The following ZBTB40 variants were observed in gnomAD, a reference collection of about 807,000 sequenced individuals.
ZBTB40 encodes zinc finger and BTB domain-containing protein 40.
A neutral mutation model predicts 117.5 loss-of-function variants in ZBTB40; 60 were observed. That is an observed-to-expected ratio of 0.51 (90% confidence interval 0.41 to 0.63). The LOEUF (loss-of-function observed/expected upper bound fraction) is 0.63, where lower values mean the gene tolerates loss of function less well. Among genes scored for constraint, ZBTB40 ranks in the 30% least tolerant of loss-of-function variants. The pLI is 0.00. For missense variants in ZBTB40, 1,287 were observed against 1,498.5 expected (o/e 0.86, Z 2.33); for synonymous variants, 525 against 577.1 (o/e 0.91, Z 1.29).
intron 1 of ZBTB40, among the ~76,000 whole-genome samples, chr1:22,488,701 C>A (rs1362618339): frequency 6.6e-6 from 1 of 152,206 alleles, no homozygotes; most frequent in African/African-American, 2.4e-5. Context: ...GACTTTTACT[C>A]TAAGACTGGA....
At chr1:22,470,765 G>A (rs985385573) in intron 1 of ZBTB40, among the ~76,000 whole-genome samples, 6 of 152,228 alleles carry the variant, frequency 3.9e-5, no homozygotes, top group Admixed American at 2.0e-4. Context: ...ATCACAGAAT[G>A]TCAGTTGGCA....
Position 22,512,144 on chromosome 1 carries a change from A to G in ZBTB40, c.2461+10A>G, listed in dbSNP as rs2124459739. 1 of 1,612,562 alleles carries G rather than the reference A, an allele frequency of 6.2e-7. No homozygotes were observed. Among genetic ancestry groups the G allele is most frequent in the Non-Finnish European group, 8.5e-7 (1 of 1,179,966 alleles). ...TTTGCCCATGCCTCAGGTACGTTCA[A>G]GAAGGCAAAGGAACAGAGGATGATA... On this transcript the variant is annotated intron_variant, in intron 11 of 17. Coordinates refer to ENST00000375647, the MANE Select transcript of ZBTB40 (RefSeq NM_014870.4).
chr1:22,528,988 T>G lies in ZBTB40; in HGVS notation c.*2592T>G, dbSNP rs2124482423. 2.6e-5 allele frequency: 4 copies of G among 152,456 alleles called. 1 individual carries two copies. In the South Asian group the frequency reaches 8.3e-4, roughly 32 times the overall value. 9.4% of individuals were successfully genotyped at this position (152,456 alleles called of 1,614,324 possible). A position where few individuals can be genotyped will look rare whatever the true frequency, so the allele number is the denominator to read the frequency against. On this transcript the variant is annotated 3_prime_UTR_variant, in exon 18 of 18. Transcript: ENST00000375647. Reference sequence around the variant, plus strand: ...CACTCAGCAGAAGGCACAAACCCAGTGCTGGTTCTCATCAAGAAAGAGGGG... The same window carrying G: ...CACTCAGCAGAAGGCACAAACCCAGGGCTGGTTCTCATCAAGAAAGAGGGG...
chr1:22,466,061 C>T (rs1288556174), intron 1 of ZBTB40, among the ~76,000 whole-genome samples: 1 of 152,240 alleles, frequency 6.6e-6, no homozygotes, highest in Non-Finnish European at 1.5e-5. Flanking sequence ...CTGGTAACCA[C>T]TAATCCACTT....
At chr1:22,489,551 G>A (rs1046299791) in intron 1 of ZBTB40, among the ~76,000 whole-genome samples, 1 of 152,140 alleles carries the variant, frequency 6.6e-6, no homozygotes, top group East Asian at 1.9e-4. Context: ...TGAGATGGCT[G>A]TTTTTCCTTA....
In ZBTB40 at chr1:22,508,154, A is replaced by C; in HGVS notation, c.1497+17A>C. The C allele has an allele frequency of 6.2e-7, 1 of 1,613,122 alleles. No homozygotes were observed. Among genetic ancestry groups the C allele is most frequent in the Non-Finnish European group, 8.5e-7 (1 of 1,179,846 alleles). On this transcript the variant is annotated intron_variant, in intron 7 of 17. Transcript: ENST00000375647. The stretch of plus-strand genomic sequence containing the variant: ...GAAAGAGAGGTAAGAGAGGGAGAGA[A>C]ACAGAGGGAGGGGAGGGTAAAATGA...
intron 3 of ZBTB40, among the ~76,000 whole-genome samples, chr1:22,497,663 A>G (rs1638815584): frequency 1.3e-5 from 2 of 152,246 alleles, no homozygotes; most frequent in African/African-American, 4.8e-5. Context: ...ACTACCCAGT[A>G]TTCAAACCGG....
intron 15 of ZBTB40, 52 bp downstream of exon 15, chr1:22,521,710 C>G (rs1490411026): frequency 6.2e-7 from 1 of 1,611,360 alleles, no homozygotes; most frequent in Non-Finnish European, 8.5e-7. Flanking sequence ...ATGGTGTAGC[C>G]TCCTGGGCCC....
At chr1:22,470,781 C>T (rs965188239) in intron 1 of ZBTB40, among the ~76,000 whole-genome samples, 6 of 152,212 alleles carry the variant, frequency 3.9e-5, no homozygotes, top group Admixed American at 1.3e-4. Context: ...TGGCAGTGCC[C>T]GTGCCGTGTA....
upstream of ZBTB40, among the ~76,000 whole-genome samples, chr1:22,450,053 C>T (rs1478610995): frequency 6.6e-6 from 1 of 152,076 alleles, no homozygotes; most frequent in Non-Finnish European, 1.5e-5. Context: ...AAGCGATTCT[C>T]CTGCCTCAGC....
chr1:22,460,709 A>G (rs1053835537), intron 1 of ZBTB40, among the ~76,000 whole-genome samples: 5 of 152,252 alleles, frequency 3.3e-5, no homozygotes, highest in Admixed American at 6.5e-5. Context: ...CGTCAGATTT[A>G]GAACCCAACT....
intron 3 of ZBTB40, 145 bp from the exon 4 acceptor site, chr1:22,501,347 T>C (rs1344411708): frequency 3.4e-5 from 29 of 840,700 alleles, no homozygotes; most frequent in Non-Finnish European, 4.5e-5. Context: ...TTGGAACTGC[T>C]GCTGGGGAAG....
intron 15 of ZBTB40, among the ~76,000 whole-genome samples, chr1:22,522,138 G>A (rs1231832488): frequency 6.6e-6 from 1 of 152,186 alleles, no homozygotes; most frequent in Non-Finnish European, 1.5e-5. Flanking sequence ...AGCACCTCGT[G>A]TATATTTTCT....
intron 3 of ZBTB40, among the ~76,000 whole-genome samples, chr1:22,497,289 T>C (rs1047216877): frequency 3.9e-5 from 6 of 152,190 alleles, no homozygotes; most frequent in Non-Finnish European, 8.8e-5. Flanking sequence ...CCTTCAACTT[T>C]ATTTCAAAGG....
At chr1:22,467,026 A>G (rs1206939849) in intron 1 of ZBTB40, among the ~76,000 whole-genome samples, 1 of 152,074 alleles carries the variant, frequency 6.6e-6, no homozygotes, top group Non-Finnish European at 1.5e-5. Context: ...TGCCATATTT[A>G]CTTTAAAACC....
intron 1 of ZBTB40, among the ~76,000 whole-genome samples, chr1:22,458,338 C>T (rs761841887): frequency 2.0e-5 from 3 of 152,186 alleles, no homozygotes; most frequent in Non-Finnish European, 4.4e-5. Context: ...TGTGGCTGTG[C>T]CTGTCTCTCA....
intron 9 of ZBTB40, among the ~76,000 whole-genome samples, chr1:22,509,999 GATAAAC>G (rs1173761457): frequency 2.0e-5 from 3 of 152,202 alleles, no homozygotes; most frequent in African/African-American, 7.2e-5. Context: ...AAAGAGCCAA[GATAAAC>G]ATAGATAAAA....
At chr1:22,431,663 G>T (rs1640592188) in intron 1 of ZBTB40, among the ~76,000 whole-genome samples, 1 of 151,762 alleles carries the variant, frequency 6.6e-6, no homozygotes, top group Non-Finnish European at 1.5e-5. Flanking sequence ...TTGAACCCTG[G>T]AGACAGAGGT....
At chr1:22,525,972 G>A (rs779987799) in intron 17 of ZBTB40, among the ~76,000 whole-genome samples, 18 of 152,316 alleles carry the variant, frequency 1.2e-4, no homozygotes, top group Middle Eastern at 3.4e-3. Flanking sequence ...CCGAGATGGC[G>A]TACTGAGCAA....
Sources: gnomAD v4.1 joint callset for allele counts (sites outside exome capture counted in the v4.1 genomes callset) on GRCh38, gnomAD v4.1.1 for gene constraint, MANE v1.5 for transcripts, NCBI Gene and HGNC (gene_info 2026-07-23, HGNC 2026-07-21) for gene names.